Variants in U2AF1L4 observed in about 807,000 individuals in gnomAD.
U2AF1L4 encodes the protein U2 small nuclear RNA auxiliary factor 1 like 4.
A neutral mutation model predicts 21.7 loss-of-function variants in U2AF1L4; 21 were observed. That is an observed-to-expected ratio of 0.97 (90% CI 0.69 to 1.39). U2AF1L4 has a LOEUF of 1.39. Ranked by LOEUF, U2AF1L4 falls within the 40% of genes most tolerant of loss-of-function variation. The probability of loss-of-function intolerance (pLI) is 0.00; values close to 1 mark genes in which losing one functional copy is unlikely to be tolerated. For synonymous variants in U2AF1L4, 92 were observed against 89.7 expected, an observed-to-expected ratio of 1.03 and a Z score of -0.15; for missense variants, 259 against 245.7, an observed-to-expected ratio of 1.05 and a Z score of -0.36.
intron 5 of U2AF1L4, 184 bp from the exon 6 acceptor site, chr19:35,742,987 C>G: frequency 3.1e-6 from 2 of 652,312 alleles, no homozygotes; most frequent in South Asian, 3.6e-5. Context: ...GCAATCCAGG[C>G]TGGTCGTGGA....
chr19:35,744,522 T>A, intron 2 of U2AF1L4, 101 bp from the exon 3 acceptor site: 1 of 1,571,430 alleles, frequency 6.4e-7, no homozygotes. Context: ...CTCCTGCACC[T>A]CCACGTCACT....
intron 2 of U2AF1L4, chr19:35,744,772 G>A: frequency 6.7e-7 from 1 of 1,497,594 alleles, no homozygotes; most frequent in Non-Finnish European, 9.0e-7. Context: ...TGAAGGTTGG[G>A]GGTGGAACCT....
At chr19:35,743,074 A>G (rs928436024) in intron 5 of U2AF1L4, 9 of 533,196 alleles carry the variant, frequency 1.7e-5, no homozygotes, top group African/African-American at 9.7e-5. Context: ...CTCTTAGGGT[A>G]TAAGAGTCTT....
At chr19:35,743,927 G>GAGGA in intron 4 of U2AF1L4, 23 bp from the exon 5 acceptor site, 1 of 1,610,362 alleles carries the variant, frequency 6.2e-7, no homozygotes, top group African/African-American at 1.3e-5. Flanking sequence ...TAGAGAGATG[G>GAGGA]AGGAAGCCAT....
Position 35,743,789 on chromosome 19 carries a change from G to A in U2AF1L4, c.461+20C>T, listed in dbSNP as rs1396571410. On this transcript the variant is annotated intron_variant, in intron 5 of 5. Coordinates refer to ENST00000378975, the MANE Select transcript of U2AF1L4 (RefSeq NM_001040425.3). ...GGGCCTTAGGACATGAGGAGACATA[G>A]CAGGCTGGTCCTGAGGTACCTGCGC... 2 of 1,597,728 alleles carry A rather than the reference G, an allele frequency of 1.3e-6. No homozygotes were observed. The highest frequency in any genetic ancestry group is 2.3e-5 in the East Asian group (1 of 44,234).
At position 35,742,794 on chromosome 19, in the gene U2AF1L4, C is replaced by T. The variant is rs776584587; in HGVS notation, c.471G>A (p.Pro157=). Reference sequence around the variant, plus strand: ...GGGGATGGTGGCCAGTATGGAACCTCGGGGGTGACCTGGGAATAGGAGCGT... The same window carrying T: ...GGGGATGGTGGCCAGTATGGAACCTTGGGGGTGACCTGGGAATAGGAGCGT... ...YGRGPRRRSP[P]RFHTGHHPRE... is the part of the protein sequence containing the mutation. The change falls in exon 6 of 6, where the codon CCG becomes CCA. Residue 157 remains proline, a synonymous_variant. Transcript: ENST00000378975. 7.5e-6 allele frequency: 12 copies of T among 1,610,492 alleles called. No individual in the cohort carries two copies. The highest frequency in any genetic ancestry group is 2.2e-5 in the South Asian group (2 of 91,028).
chr19:35,744,200 TCA>T, intron 3 of U2AF1L4, 55 bp from the exon 4 acceptor site: 2 of 1,607,300 alleles, frequency 1.2e-6, no homozygotes, highest in South Asian at 2.2e-5. Flanking sequence ...TTCAGGGGAC[TCA>T]CTACCCGCTC....
Position 35,745,179 on chromosome 19 carries a change from G to A in U2AF1L4, c.78C>T (p.Val26=). Residue 26 remains valine, a synonymous_variant, in exon 2 of 6, where the codon GTC becomes GTT. Coordinates refer to ENST00000378975, the MANE Select transcript of U2AF1L4 (RefSeq NM_001040425.3). ...VNCSFYFKIG[V]CRHGDRCSRL... Reference sequence around the variant, plus strand: ...GGGAGCACCGGTCCCCGTGCCGGCAGACCCCGATCTTAAAGTAAAAAGAGC... The same window carrying A: ...GGGAGCACCGGTCCCCGTGCCGGCAAACCCCGATCTTAAAGTAAAAAGAGC... The A allele has an allele frequency of 1.2e-6, 2 of 1,613,680 alleles. No homozygotes were observed. The highest frequency in any genetic ancestry group is 1.7e-6 in the Non-Finnish European group (2 of 1,180,010).
At chr19:35,745,294 C>A in intron 1 of U2AF1L4, 54 bp downstream of exon 1, 3 of 1,597,686 alleles carry the variant, frequency 1.9e-6, no homozygotes. Context: ...CACCCAGGAC[C>A]CCAGTACCCC....
chr19:35,744,330 T>G lies in U2AF1L4; in HGVS notation c.224A>C (p.Tyr75Ser). The G allele has an allele frequency of 6.2e-7, 1 of 1,614,104 alleles. No homozygotes were observed. Among genetic ancestry groups the G allele is most frequent in the Non-Finnish European group, 8.5e-7 (1 of 1,180,012 alleles). The change falls in exon 3 of 6, where the codon TAT becomes TCT. Residue 75 changes from tyrosine to serine, a missense_variant. Physicochemically the swap from Tyr to Ser is moderately radical, Grantham distance 144. Transcript: ENST00000378975. ...NLGDHLVGNV[Y>S]VKFRREEDGE... Reference sequence around the variant, plus strand: ...GTGGGGGGCAGCAAGCACCTTGACATAGACGTTGCCCACGAGGTGGTCCCC... The same window carrying G: ...GTGGGGGGCAGCAAGCACCTTGACAGAGACGTTGCCCACGAGGTGGTCCCC...
intron 1 of U2AF1L4, 48 bp downstream of exon 1, chr19:35,745,300 A>T: frequency 3.8e-6 from 6 of 1,560,174 alleles, no homozygotes; most frequent in Non-Finnish European, 5.3e-6. Flanking sequence ...GGACCCCAGT[A>T]CCCCGGCCCC....
Position 35,742,968 on chromosome 19 carries a change from T to A in U2AF1L4, c.462-165A>T, listed in dbSNP as rs1336021153. ...TATCAGGGGAACTCAGTGGCCAGTA[T>A]CAGGGGTGGCAATCCAGGCTGGTCG... On this transcript the variant is annotated intron_variant, in intron 5 of 5. Coordinates refer to ENST00000378975, the MANE Select transcript of U2AF1L4 (RefSeq NM_001040425.3). 4 of 696,622 alleles carry A rather than the reference T, an allele frequency of 5.7e-6. No individual in the cohort carries two copies. The Admixed American group carries it at 1.1e-4, about 20-fold the overall frequency. 43.2% of individuals were successfully genotyped at this position (696,622 alleles called of 1,614,324 possible).
Position 35,745,066 on chromosome 19 carries a change from C to T in U2AF1L4, c.132+59G>A. The stretch of plus-strand genomic sequence containing the variant: ...AATAGGCGGGACATGGTGACGACGG[C>T]CCCAGAAGGGGAAGGGCCAGGGAGC... On this transcript the variant is annotated intron_variant, in intron 2 of 5. Coordinates refer to ENST00000378975, the MANE Select transcript of U2AF1L4 (RefSeq NM_001040425.3). 3.2e-6 allele frequency: 5 copies of T among 1,542,408 alleles called. 1 individual carries two copies. Among genetic ancestry groups the T allele is most frequent in the Non-Finnish European group, 2.7e-6 (3 of 1,126,880 alleles).
At position 35,742,716 on chromosome 19, in the gene U2AF1L4, G is replaced by A. The variant is rs1182882185; in HGVS notation, c.*3C>T. On this transcript the variant is annotated 3_prime_UTR_variant, in exon 6 of 6. Coordinates refer to ENST00000378975, the MANE Select transcript of U2AF1L4 (RefSeq NM_001040425.3). ...GGGGGTGAAGGGTAAGGGGGCCAGG[G>A]CCTCAGAAGCGGCCATGCCAGTGAT... is the stretch of plus-strand genomic sequence containing the variant. 6.2e-7 allele frequency: 1 copy of A among 1,610,782 alleles called. No individual in the cohort carries two copies. Among genetic ancestry groups the A allele is most frequent in the Admixed American group, 1.7e-5 (1 of 59,098 alleles).
intron 2 of U2AF1L4, 162 bp downstream of exon 2, chr19:35,744,963 G>A (rs1023612771): frequency 2.6e-6 from 2 of 776,568 alleles, no homozygotes; most frequent in Non-Finnish European, 4.0e-6. Flanking sequence ...AAAACGGCAC[G>A]AAGACCGGTG....
At chr19:35,744,849 T>TGGAGG in intron 2 of U2AF1L4, 3 of 864,206 alleles carry the variant, frequency 3.5e-6, no homozygotes, top group Non-Finnish European at 5.4e-6. Context: ...AGAAAAGGGA[T>TGGAGG]GGAGGGGACT....
rs890957736 is a variant in U2AF1L4 at position 35,743,011 on chromosome 19, C to G, written c.462-208G>C. The G allele has an allele frequency of 6.8e-5, 42 of 616,384 alleles. 1 individual carries two copies. The highest frequency in any genetic ancestry group is 9.6e-5 in the Non-Finnish European group (34 of 352,520). 38.2% of individuals were successfully genotyped at this position (616,384 alleles called of 1,614,324 possible). A position where few individuals can be genotyped will look rare whatever the true frequency, so the allele number is the denominator to read the frequency against. ...GCTGGTCGTGGATTAGGGGTTCAGG[C>G]TGGTTTGGGGATTGGGACTTAGGTA... is the stretch of plus-strand genomic sequence containing the variant. On this transcript the variant is annotated intron_variant, in intron 5 of 5. Coordinates refer to ENST00000378975, the MANE Select transcript of U2AF1L4 (RefSeq NM_001040425.3).
chr19:35,744,949 C>T (rs557774769), intron 2 of U2AF1L4, 176 bp downstream of exon 2: 2 of 754,382 alleles, frequency 2.7e-6, no homozygotes, highest in Admixed American at 2.8e-5. Flanking sequence ...ACCAAGTTCC[C>T]GGGAAAACGG....
intron 2 of U2AF1L4, 65 bp downstream of exon 2, chr19:35,745,060 C>A (rs1380250422): frequency 6.0e-6 from 9 of 1,509,438 alleles, no homozygotes; most frequent in African/African-American, 2.8e-5. Context: ...GACATGGTGA[C>A]GACGGCCCCA....
Sources: gnomAD v4.1 joint callset for allele counts on GRCh38, gnomAD v4.1.1 for gene constraint, MANE v1.5 for transcripts, NCBI Gene and HGNC (gene_info 2026-07-23, HGNC 2026-07-21) for gene names.